Variants in VPS13D observed in about 807,000 individuals in gnomAD.
VPS13D encodes the protein intermembrane lipid transfer protein VPS13D.
Under a neutral mutation model 461.9 loss-of-function variants are expected in VPS13D, and 187 were observed. The ratio of observed to expected loss-of-function variants is 0.40; its 90% CI spans 0.36 to 0.46. VPS13D has a LOEUF of 0.46. VPS13D is among the 20% of genes least tolerant of loss of function. The probability of loss-of-function intolerance (pLI) is 0.60; values close to 1 mark genes in which losing one functional copy is unlikely to be tolerated. For synonymous variants in VPS13D, 1,951 were observed against 1,986.3 expected (o/e 0.98, Z 0.47); for missense variants, 4,711 against 5,364.9 (o/e 0.88, Z 3.81).
chr1:12,395,348 C>T (rs759759701), intron 60 of VPS13D, among the ~76,000 whole-genome samples: 6 of 152,250 alleles, frequency 3.9e-5, no homozygotes, highest in Non-Finnish European at 8.8e-5. Flanking sequence ...CACACATCCC[C>T]ATTCCAAGTT....
At position 12,416,747 on chromosome 1, in the gene VPS13D, G is replaced by T. The variant is rs762731759; in HGVS notation, c.12253G>T (p.Val4085Phe). 1.9e-6 allele frequency: 3 copies of T among 1,614,052 alleles called. No homozygotes were observed. The highest frequency in any genetic ancestry group is 1.3e-5 in the African/African-American group (1 of 74,998). ...MGLLNDVSEG[V>F]TGLIKYGNVG... ...GCTTTTGAATGATGTTTCTGAAGGG[G>T]TTACTGGACTGATAAAATATGGAAA... The change falls in exon 65 of 70, where the codon GTT becomes TTT. Residue 4085 changes from valine to phenylalanine, a missense_variant. By Grantham distance (50) the Val-to-Phe change is conservative. Around this residue, in one of 3 missense-constraint regions of VPS13D, gnomAD observed 106 missense variants for 206.2 expected, o/e 0.51. Coordinates refer to ENST00000620676, the MANE Select transcript of VPS13D (RefSeq NM_015378.4).
At chr1:12,292,435 C>CAGTCTCT (rs1642161370) in intron 23 of VPS13D, among the ~76,000 whole-genome samples, 1 of 96,916 alleles carries the variant, frequency 1.0e-5, no homozygotes, top group East Asian at 2.7e-4. Flanking sequence ...TGCTCAGTCT[C>CAGTCTCT]TTTTTTTTTT....
intron 67 of VPS13D, among the ~76,000 whole-genome samples, chr1:12,470,557 T>C (rs886178436): frequency 6.6e-6 from 1 of 152,198 alleles, no homozygotes; most frequent in Non-Finnish European, 1.5e-5. Context: ...TACAGGCAAA[T>C]TGACAGTAGA....
At chr1:12,484,790 T>C (rs1645774652) in intron 67 of VPS13D, among the ~76,000 whole-genome samples, 2 of 152,018 alleles carry the variant, frequency 1.3e-5, no homozygotes, top group African/African-American at 2.4e-5. Flanking sequence ...TTTTACGGAG[T>C]GTCCTCGGAG....
chr1:12,371,495 A>AT (rs1187870287), intron 54 of VPS13D, among the ~76,000 whole-genome samples: 1 of 149,810 alleles, frequency 6.7e-6, no homozygotes, highest in Non-Finnish European at 1.5e-5. Context: ...GGTTCAAGCG[A>AT]TTCTCCTGCC....
chr1:12,273,886 A>G (rs922610915), intron 18 of VPS13D, among the ~76,000 whole-genome samples: 2 of 152,128 alleles, frequency 1.3e-5, no homozygotes, highest in Non-Finnish European at 2.9e-5. Context: ...TTGTATAAAC[A>G]TATATTTTCT....
chr1:12,230,743 T>A (rs1298885520), intron 1 of VPS13D, among the ~76,000 whole-genome samples: 2 of 151,214 alleles, frequency 1.3e-5, no homozygotes, highest in Non-Finnish European at 3.0e-5. Flanking sequence ...AGGTGTGGGA[T>A]GCCAGACATC....
chr1:12,458,373 T>C lies in VPS13D; in HGVS notation c.12467-1828T>C, dbSNP rs114380964. Among the ~76,000 whole-genome samples the C allele has an allele frequency of 6.0e-3, 909 of 152,278 alleles. 11 individuals carry two copies. Among genetic ancestry groups the C allele is most frequent in the African/African-American group, 0.02 (823 of 41,552 alleles). On this transcript the variant is annotated intron_variant, in intron 66 of 69. Coordinates refer to ENST00000620676, the MANE Select transcript of VPS13D (RefSeq NM_015378.4). ...TCTCTCAGGTCCCAGTCTGAATTCC[T>C]GTTCTGTGTGTGCTCTGCCAAAAAC...
At position 12,308,300 on chromosome 1, in the gene VPS13D, A is replaced by T. The variant is rs1642626654; in HGVS notation, c.6440-131A>T. ...GGACAGCCAGTTTTCTGAGTAGTGG[A>T]CAGTGTGGGGAAGCAGGCAGCTGTA... On this transcript the variant is annotated intron_variant, in intron 26 of 69. Coordinates refer to ENST00000620676, the MANE Select transcript of VPS13D (RefSeq NM_015378.4). The T allele has an allele frequency of 4.3e-6, 4 of 925,776 alleles. No homozygotes were observed. The African/African-American group carries it at 6.7e-5, about 15-fold the overall frequency. 57.3% of individuals were successfully genotyped at this position (925,776 alleles called of 1,614,324 possible). A position where few individuals can be genotyped will look rare whatever the true frequency, so the allele number is the denominator to read the frequency against.
In VPS13D at chr1:12,276,550, G is replaced by T. The variant is rs373217791; in HGVS notation, c.2962G>T (p.Val988Leu). 4 of 1,614,092 alleles carry T rather than the reference G, an allele frequency of 2.5e-6. No individual in the cohort carries two copies. The African/African-American group carries it at 5.3e-5, about 22-fold the overall frequency. Reference protein sequence around the residue: ...LKVFGTNAHFVKRPYDAEVSL... With the variant: ...LKVFGTNAHFLKRPYDAEVSL... Reference sequence around the variant, plus strand: ...GGTGTTTGGTACCAATGCTCACTTTGTGAAGAGGCCTTATGATGCTGAAGT... The same window carrying T: ...GGTGTTTGGTACCAATGCTCACTTTTTGAAGAGGCCTTATGATGCTGAAGT... The change falls in exon 19 of 70, where the codon GTG (valine) becomes TTG (leucine). Residue 988 changes from valine (V) to leucine (L), a missense_variant. Val to Leu is a conservative substitution (Grantham distance 32). Transcript: ENST00000620676. The surrounding 1 kb of genome is among the most constrained non-coding windows in gnomAD (Gnocchi z 4.5).
intron 67 of VPS13D, among the ~76,000 whole-genome samples, chr1:12,485,165 C>T (rs887582822): frequency 6.6e-6 from 1 of 152,232 alleles, no homozygotes; most frequent in Admixed American, 6.5e-5. Context: ...GGAGCCAACT[C>T]TTTCAAATGA....
intron 60 of VPS13D, among the ~76,000 whole-genome samples, chr1:12,396,778 A>G (rs564043532): frequency 6.6e-6 from 1 of 152,282 alleles, no homozygotes; most frequent in Admixed American, 6.5e-5. Flanking sequence ...GGCTAATCGT[A>G]TCCTATTTAT....
chr1:12,312,030 G>T, intron 29 of VPS13D, 105 bp downstream of exon 29: 18 of 916,960 alleles, frequency 2.0e-5, no homozygotes, highest in South Asian at 1.2e-4. Flanking sequence ...GCCCACAGAT[G>T]GAATGTTGTC....
In VPS13D at chr1:12,400,195, C is replaced by A. The variant is rs1268452628; in HGVS notation, c.11649C>A (p.Leu3883=). Residue 3883 remains leucine, a synonymous_variant, in exon 61 of 70, where the codon CTC becomes CTA. Transcript: ENST00000620676. ...CATGGCCGTAGGTGGACAATCAGCT[C>A]ATTGGTACCACGCAGCCCTTCATGC... The part of the protein sequence containing the change: ...SIQDVQVDNQ[L]IGTTQPFMLY... 1 of 1,613,970 alleles carries A rather than the reference C, an allele frequency of 6.2e-7. No individual in the cohort carries two copies. The highest frequency in any genetic ancestry group is 1.1e-5 in the South Asian group (1 of 91,074).
At chr1:12,242,048 G>C (rs1278555141) in intron 2 of VPS13D, among the ~76,000 whole-genome samples, 1 of 151,950 alleles carries the variant, frequency 6.6e-6, no homozygotes, top group African/African-American at 2.4e-5. Flanking sequence ...ACTAAGAATG[G>C]TTTTTGCATT....
intron 60 of VPS13D, 80 bp from the exon 61 acceptor site, chr1:12,400,101 G>A: frequency 1.3e-6 from 2 of 1,515,980 alleles, no homozygotes; most frequent in Admixed American, 3.6e-5. Flanking sequence ...CGCATTATGA[G>A]GCCCCACTCA....
At chr1:12,403,781 C>CT (rs765613095) in intron 62 of VPS13D, 44 bp from the exon 63 acceptor site, 4 of 1,525,272 alleles carry the variant, frequency 2.6e-6, no homozygotes, top group African/African-American at 1.4e-5. Flanking sequence ...GATCATGAGA[C>CT]TAAGAAATTC....
chr1:12,348,161 A>G (rs781233066), intron 44 of VPS13D, among the ~76,000 whole-genome samples: 3 of 152,256 alleles, frequency 2.0e-5, no homozygotes, highest in Non-Finnish European at 4.4e-5. Context: ...AATGCAGACA[A>G]TTCTTTCTTT....
At chr1:12,259,694 C>G (rs1211567789) in intron 10 of VPS13D, among the ~76,000 whole-genome samples, 2 of 152,190 alleles carry the variant, frequency 1.3e-5, no homozygotes, top group African/African-American at 4.8e-5. Flanking sequence ...GACGTAAAAT[C>G]TCCTTTGTTC....
Sources: allele counts gnomAD v4.1 joint callset (sites outside exome capture counted in the v4.1 genomes callset), GRCh38; gene constraint gnomAD v4.1.1; regional missense constraint gnomAD v4.1.1; non-coding constraint Gnocchi (gnomAD v3.1); transcripts MANE v1.5; gene names NCBI Gene and HGNC (gene_info 2026-07-23, HGNC 2026-07-21).